MDGA2: variants seen among roughly 807,000 people sequenced by gnomAD.
The protein encoded by MDGA2 is MAM domain containing glycosylphosphatidylinositol anchor 2.
Under a neutral mutation model 117.8 loss-of-function variants are expected in MDGA2, and 40 were observed. That is an observed-to-expected ratio of 0.34 (90% CI 0.26 to 0.44). MDGA2 has a LOEUF of 0.44. Ranked by LOEUF, MDGA2 falls within the 20% of genes least tolerant of loss-of-function variation. The pLI is 1.00. For synonymous variants in MDGA2, 452 were observed against 439.0 expected, an observed-to-expected ratio of 1.03 and a Z score of -0.37; for missense variants, 1,123 against 1,250.6, an observed-to-expected ratio of 0.90 and a Z score of 1.54.
At chr14:47,308,506 T>G (rs1167090627) in intron 1 of MDGA2, among the ~76,000 whole-genome samples, 1 of 124,326 alleles carries the variant, frequency 8.0e-6, no homozygotes, top group Non-Finnish European at 1.9e-5. Context: ...CTGTTAGTTT[T>G]TTTTTTTTTT....
At position 47,241,356 on chromosome 14, in the gene MDGA2, A is replaced by T. The variant is rs548465883; in HGVS notation, c.421-23161T>A. On this transcript the variant is annotated intron_variant, in intron 2 of 16. Transcript: ENST00000399232. ...TTTAGATAAACATCCAAACATCCTC[A>T]TATTGCCTCAGGCTATTTTCATAGG... is the stretch of plus-strand genomic sequence containing the variant. Among the ~76,000 whole-genome samples, 21 of 151,916 alleles carry T rather than the reference A, an allele frequency of 1.4e-4. 1 individual carries two copies. The highest frequency in any genetic ancestry group is 2.4e-4 in the Non-Finnish European group (16 of 67,832).
chr14:47,610,080 C>G (rs187644608), intron 1 of MDGA2, among the ~76,000 whole-genome samples: 14 of 152,210 alleles, frequency 9.2e-5, no homozygotes, highest in African/African-American at 2.9e-4. Flanking sequence ...ACATGATCAT[C>G]TCAATAGATG....
chr14:47,317,626 C>T (rs1889847475), intron 1 of MDGA2, among the ~76,000 whole-genome samples: 1 of 151,982 alleles, frequency 6.6e-6, no homozygotes, highest in Non-Finnish European at 1.5e-5. Context: ...TCATGTTCTC[C>T]CATTAGTGAT....
chr14:47,472,509 C>A (rs1893749434), intron 1 of MDGA2, among the ~76,000 whole-genome samples: 2 of 152,164 alleles, frequency 1.3e-5, no homozygotes, highest in African/African-American at 2.4e-5. Flanking sequence ...TCTTATGAGG[C>A]CACTGTCTCG....
At chr14:47,417,110 C>A (rs1330092506) in intron 1 of MDGA2, among the ~76,000 whole-genome samples, 1 of 152,136 alleles carries the variant, frequency 6.6e-6, no homozygotes, top group Non-Finnish European at 1.5e-5. Context: ...TCGTATTAAT[C>A]TTATCTGTGC....
intron 6 of MDGA2, among the ~76,000 whole-genome samples, chr14:47,079,389 G>A (rs1159962322): frequency 6.6e-6 from 1 of 152,088 alleles, no homozygotes; most frequent in African/African-American, 2.4e-5. Flanking sequence ...CAACCTTTTA[G>A]ATATCAGAAA....
At chr14:47,619,696 T>A (rs1897015223) in intron 1 of MDGA2, among the ~76,000 whole-genome samples, 1 of 152,202 alleles carries the variant, frequency 6.6e-6, no homozygotes, top group Admixed American at 6.5e-5. Flanking sequence ...GGAGCTATAT[T>A]GCTCTTTTTG....
At chr14:47,362,503 T>A (rs1352736742) in intron 1 of MDGA2, among the ~76,000 whole-genome samples, 1 of 152,176 alleles carries the variant, frequency 6.6e-6, no homozygotes, top group Non-Finnish European at 1.5e-5. Flanking sequence ...TGCTTAATAT[T>A]ATCCAGCTAT....
chr14:47,550,974 T>C (rs1041118447), intron 1 of MDGA2, among the ~76,000 whole-genome samples: 2 of 152,152 alleles, frequency 1.3e-5, no homozygotes, highest in African/African-American at 4.8e-5. Flanking sequence ...CTATGGAACA[T>C]GTAGGAGGCA....
intron 8 of MDGA2, among the ~76,000 whole-genome samples, chr14:46,984,477 T>C (rs1035492358): frequency 6.6e-6 from 1 of 152,026 alleles, no homozygotes; most frequent in Non-Finnish European, 1.5e-5. Context: ...AGAAAATAGA[T>C]GCTTTCTGCT....
At chr14:46,937,716 C>T (rs1884835004) in intron 9 of MDGA2, among the ~76,000 whole-genome samples, 1 of 152,018 alleles carries the variant, frequency 6.6e-6, no homozygotes, top group Admixed American at 6.6e-5. Flanking sequence ...ACAGTCTGTT[C>T]AATAATGATG....
intron 1 of MDGA2, among the ~76,000 whole-genome samples, chr14:47,653,251 T>C (rs1033050725): frequency 1.3e-5 from 2 of 152,116 alleles, no homozygotes; most frequent in Non-Finnish European, 2.9e-5. Flanking sequence ...TCCAGGAGAA[T>C]AGATTTCATT....
At chr14:47,028,550 A>G (rs926538187) in intron 8 of MDGA2, among the ~76,000 whole-genome samples, 6 of 152,174 alleles carry the variant, frequency 3.9e-5, no homozygotes, top group African/African-American at 1.4e-4. Context: ...TTGAAGCTCT[A>G]AATTGTCTTC....
At chr14:47,241,379 A>G (rs1021960729) in intron 2 of MDGA2, among the ~76,000 whole-genome samples, 9 of 151,868 alleles carry the variant, frequency 5.9e-5, no homozygotes, top group African/African-American at 1.2e-4. Context: ...CTATTTTCAT[A>G]GGGCCAACTC....
chr14:47,563,578 G>T (rs1025777342), intron 1 of MDGA2, among the ~76,000 whole-genome samples: 1,052 of 56,808 alleles, frequency 0.019, 40 homozygotes, highest in Middle Eastern at 0.034. Context: ...GCTTTTTTCT[G>T]TTTTTTTTTT....
chr14:46,917,577 A>T (rs1042521096), intron 10 of MDGA2, among the ~76,000 whole-genome samples: 3 of 152,168 alleles, frequency 2.0e-5, no homozygotes, highest in Non-Finnish European at 4.4e-5. Context: ...TCATTATTTT[A>T]AAAAAACATA....
intron 5 of MDGA2, among the ~76,000 whole-genome samples, chr14:47,102,045 C>G (rs1277334067): frequency 6.6e-6 from 1 of 151,924 alleles, no homozygotes; most frequent in Non-Finnish European, 1.5e-5. Context: ...TTGTTTTTGC[C>G]GCTACCTAAC....
At chr14:46,898,360 A>T (rs546973247) in intron 10 of MDGA2, among the ~76,000 whole-genome samples, 2 of 152,114 alleles carry the variant, frequency 1.3e-5, no homozygotes, top group Admixed American at 1.3e-4. Context: ...GAAATTATTG[A>T]TTAATTGGAT....
intron 8 of MDGA2, among the ~76,000 whole-genome samples, chr14:46,972,138 T>C (rs1886294244): frequency 6.6e-6 from 1 of 152,088 alleles, no homozygotes; most frequent in Non-Finnish European, 1.5e-5. Context: ...GCATTTGAAA[T>C]GGGGCCAATC....
Sources: gnomAD v4.1 joint callset for allele counts (sites outside exome capture counted in the v4.1 genomes callset) on GRCh38, gnomAD v4.1.1 for gene constraint, MANE v1.5 for transcripts, NCBI Gene and HGNC (gene_info 2026-07-23, HGNC 2026-07-21) for gene names.